CUX1: variants seen among roughly 807,000 people sequenced by gnomAD.
The protein encoded by CUX1 is protein CASP.
In CUX1, 31 loss-of-function variants were observed where a neutral mutation model predicts 158.8. The observed-to-expected ratio is 0.20, with a 90% CI of 0.15 to 0.26. CUX1 has a LOEUF of 0.26. Ranked by LOEUF, CUX1 falls within the 10% of genes least tolerant of loss-of-function variation. The pLI is 1.00. For missense variants in CUX1, 1,589 were observed against 2,014.6 expected, an observed-to-expected ratio of 0.79 and a Z score of 4.04; for synonymous variants, 879 against 862.1, an observed-to-expected ratio of 1.02 and a Z score of -0.34.
Position 101,880,543 on chromosome 7 carries a change from T to G in CUX1, c.31-35572T>G, listed in dbSNP as rs532380332. ...GAAATCTCCTAGGAAAGGACAATGA[T>G]TCCCTCAATGAAATATTGATGTAAA... On this transcript the variant is annotated intron_variant, in intron 1 of 23. Coordinates refer to ENST00000292535, the MANE Select transcript of CUX1 (RefSeq NM_181552.4). Among the ~76,000 whole-genome samples, 22 of 152,304 alleles carry G rather than the reference T, an allele frequency of 1.4e-4. No individual in the cohort carries two copies. In the South Asian group the frequency reaches 3.3e-3, roughly 23 times the overall value.
rs1800329921 is a variant in CUX1 at position 102,242,414 on chromosome 7, T to C, written c.3887+2830T>C. Among the ~76,000 whole-genome samples, 4 of 152,096 alleles carry C rather than the reference T, an allele frequency of 2.6e-5. No individual in the cohort carries two copies. In the South Asian group the frequency reaches 8.3e-4, roughly 32 times the overall value. On this transcript the variant is annotated intron_variant, in intron 23 of 23. Coordinates refer to ENST00000292535, the MANE Select transcript of CUX1 (RefSeq NM_181552.4). ...CTAGTAGAGACTGGGTTTCACCATGTTGGCCAGACTGGTCTCAAACTCTTG... is the reference window on the plus strand; with the variant it reads ...CTAGTAGAGACTGGGTTTCACCATGCTGGCCAGACTGGTCTCAAACTCTTG...
intron 2 of CUX1, among the ~76,000 whole-genome samples, chr7:101,936,098 G>A (rs1262558315): frequency 1.3e-5 from 2 of 152,150 alleles, no homozygotes; most frequent in African/African-American, 4.8e-5. Flanking sequence ...CTGCCCTCGC[G>A]GTGCTTACAT....
At chr7:101,824,574 T>C (rs2970471) in intron 1 of CUX1, 92,242 of 152,100 alleles carry the variant, frequency 0.61, 28,586 homozygotes, top group African/African-American at 0.73. Context: ...GCTGTGAGCA[T>C]TGGTAAAGCC....
intron 16 of CUX1, chr7:102,275,153 A>G (rs1173511472): frequency 1.3e-5 from 11 of 862,678 alleles, no homozygotes; most frequent in Non-Finnish European, 2.0e-5. Context: ...GGCATTTGGC[A>G]GAAATCCCCC....
intron 4 of CUX1, among the ~76,000 whole-genome samples, chr7:102,081,720 C>G (rs1285460128): frequency 6.8e-6 from 1 of 146,610 alleles, no homozygotes; most frequent in Non-Finnish European, 1.5e-5. Flanking sequence ...GCAACCTCCT[C>G]CTCCTGGGTT....
rs554255831 is a variant in CUX1 at position 101,983,150 on chromosome 7, T to G, written c.142-44948T>G. Among the ~76,000 whole-genome samples the G allele has an allele frequency of 5.9e-5, 9 of 152,336 alleles. No homozygotes were observed. The South Asian group carries it at 1.7e-3, about 28-fold the overall frequency. ...AGAAGGACGGAGATGTTTATGTCAT[T>G]GGCTGTGTGACCAAAAGAAAAAGTT... On this transcript the variant is annotated intron_variant, in intron 2 of 23. Transcript: ENST00000292535.
At position 102,253,902 on chromosome 7, in the gene CUX1, C is replaced by T. The variant is rs1264977958; in HGVS notation, c.*4860C>T. ...CCCTGTCCCTCCCCAGATGTCCTCC[C>T]TCTTCTTCACACTCCTCATTGTCCC... On this transcript the variant is annotated 3_prime_UTR_variant, in exon 24 of 24. Transcript: ENST00000292535. 1.4e-5 allele frequency: 14 copies of T among 985,592 alleles called. No homozygotes were observed. The highest frequency in any genetic ancestry group is 1.7e-5 in the Non-Finnish European group (14 of 830,188). 61.1% of individuals were successfully genotyped at this position (985,592 alleles called of 1,614,324 possible).
intron 4 of CUX1, among the ~76,000 whole-genome samples, chr7:102,090,628 T>C (rs1467315696): frequency 6.6e-6 from 1 of 151,442 alleles, no homozygotes; most frequent in Admixed American, 6.6e-5. Context: ...GACCTCATGA[T>C]CCACCACCTC....
rs192574796 is a variant in CUX1, at chr7:102,126,156, A to C, written c.674+10883A>C. ...AGCCTCCCGAGTACCTGGGACTACAAGTGTGCACCACCATTTCCGGCTGTG... is the reference window on the plus strand; with the variant it reads ...AGCCTCCCGAGTACCTGGGACTACACGTGTGCACCACCATTTCCGGCTGTG... On this transcript the variant is annotated intron_variant, in intron 8 of 23. Coordinates refer to ENST00000292535, the MANE Select transcript of CUX1 (RefSeq NM_181552.4). Among the ~76,000 whole-genome samples, 21 of 148,402 alleles carry C rather than the reference A, an allele frequency of 1.4e-4. No homozygotes were observed. The East Asian group carries it at 4.2e-3, about 30-fold the overall frequency.
At chr7:101,821,487 G>T (rs561803509) in intron 1 of CUX1, among the ~76,000 whole-genome samples, 14 of 144,834 alleles carry the variant, frequency 9.7e-5, no homozygotes, top group Middle Eastern at 4.1e-3. Flanking sequence ...TACAGGCGCT[G>T]GCCACCAGGC....
At chr7:101,833,562 TAAAAA>T (rs534986714) in intron 1 of CUX1, among the ~76,000 whole-genome samples, 3 of 75,814 alleles carry the variant, frequency 4.0e-5, no homozygotes, top group African/African-American at 1.1e-4. Context: ...CTCTGTCTCT[TAAAAA>T]AAAAAAAAAA....
At chr7:102,041,256 C>CTTTTTTTTTTT (rs11427183) in intron 3 of CUX1, among the ~76,000 whole-genome samples, 3 of 69,892 alleles carry the variant, frequency 4.3e-5, no homozygotes, top group African/African-American at 1.6e-4. Flanking sequence ...CTTATCCATT[C>CTTTTTTTTTTT]TTTTTTTTTT....
chr7:101,922,231 A>G (rs1376881361), intron 2 of CUX1, among the ~76,000 whole-genome samples: 2 of 152,226 alleles, frequency 1.3e-5, no homozygotes, highest in African/African-American at 2.4e-5. Flanking sequence ...TCCATTCTTT[A>G]AAAAGTTTCT....
chr7:101,924,620 C>A (rs986168774), intron 2 of CUX1, among the ~76,000 whole-genome samples: 2 of 151,442 alleles, frequency 1.3e-5, no homozygotes, highest in African/African-American at 4.9e-5. Flanking sequence ...GGCTGGAGAG[C>A]AGTGGCATGA....
chr7:101,843,875 G>C (rs894255123), intron 1 of CUX1, among the ~76,000 whole-genome samples: 1 of 152,180 alleles, frequency 6.6e-6, no homozygotes, highest in Admixed American at 6.5e-5. Context: ...TGAACCTTTT[G>C]AAAGAGCCAA....
intron 8 of CUX1, 88 bp downstream of exon 8, chr7:102,115,361 C>A: frequency 1.8e-6 from 2 of 1,097,504 alleles, no homozygotes; most frequent in Non-Finnish European, 2.7e-6. Flanking sequence ...GGTTCTTGAC[C>A]TCTGTGCTGC....
At chr7:102,236,853 G>A (rs1221218628) in intron 22 of CUX1, among the ~76,000 whole-genome samples, 6 of 152,164 alleles carry the variant, frequency 3.9e-5, no homozygotes, top group African/African-American at 1.4e-4. Flanking sequence ...TCTTTCCCTC[G>A]GCACAGGCTC....
intron 2 of CUX1, among the ~76,000 whole-genome samples, chr7:102,003,838 G>A (rs1270737547): frequency 2.6e-5 from 4 of 152,100 alleles, no homozygotes; most frequent in East Asian, 1.9e-4. Context: ...CTCATAGTCC[G>A]CAGTTTGCTT....
chr7:101,911,424 T>TCTTGGC (rs1397960572), intron 1 of CUX1, among the ~76,000 whole-genome samples: 1 of 146,738 alleles, frequency 6.8e-6, no homozygotes. Context: ...TGAGCCTTGG[T>TCTTGGC]CTTGGCCTTG....
Sources: allele counts gnomAD v4.1 joint callset (sites outside exome capture counted in the v4.1 genomes callset), GRCh38; gene constraint gnomAD v4.1.1; transcripts MANE v1.5; gene names NCBI Gene and HGNC (gene_info 2026-07-23, HGNC 2026-07-21).